The following CALN1 variants were observed in gnomAD, a reference collection of about 807,000 sequenced individuals.
CALN1 encodes the protein calneuron 1, also known as calcium-binding protein 8.
Under a neutral mutation model 30.6 loss-of-function variants are expected in CALN1, and 17 were observed. The observed-to-expected ratio is 0.56, with a 90% CI of 0.38 to 0.83. The LOEUF (loss-of-function observed/expected upper bound fraction) is 0.83, where lower values mean the gene tolerates loss of function less well. Ranked by LOEUF, CALN1 falls within the 40% of genes least tolerant of loss-of-function variation. The probability of loss-of-function intolerance (pLI) is 0.00; values close to 1 mark genes in which losing one functional copy is unlikely to be tolerated. For missense variants in CALN1, 291 were observed against 354.9 expected, an observed-to-expected ratio of 0.82 and a Z score of 1.45; for synonymous variants, 156 against 131.4, an observed-to-expected ratio of 1.19 and a Z score of -1.28.
chr7:72,028,992 A>T (rs571144586), intron 4 of CALN1, among the ~76,000 whole-genome samples: 1 of 152,314 alleles, frequency 6.6e-6, no homozygotes, highest in Non-Finnish European at 1.5e-5. Flanking sequence ...CTCCATCTCA[A>T]ATATATACAT....
chr7:72,487,874 AAGAAAGAAAGAAAAGAAAAGAAAGAAAG>A, the CALN1 span, among the ~76,000 whole-genome samples: 1 of 70,346 alleles, frequency 1.4e-5, no homozygotes, highest in Non-Finnish European at 2.6e-5. Flanking sequence ...GAAAGAAAGA[AAGAAAGAAAGAAAAGAAAAGAAAGAAAG>A]AAAGAAAGAA....
intron 4 of CALN1, among the ~76,000 whole-genome samples, chr7:72,080,703 C>G (rs962842608): frequency 6.6e-6 from 1 of 152,092 alleles, no homozygotes; most frequent in Non-Finnish European, 1.5e-5. Context: ...CACACAGACT[C>G]CAGGCAGGAA....
At chr7:72,306,811 C>T (rs997960586) in intron 2 of CALN1, among the ~76,000 whole-genome samples, 1 of 152,110 alleles carries the variant, frequency 6.6e-6, no homozygotes, top group Non-Finnish European at 1.5e-5. Flanking sequence ...CCCTGACCAC[C>T]GTGGGCACCT....
intron 5 of CALN1, among the ~76,000 whole-genome samples, chr7:71,966,838 A>C (rs916524788): frequency 6.6e-6 from 1 of 152,194 alleles, no homozygotes; most frequent in African/African-American, 2.4e-5. Flanking sequence ...AGAAAATTTA[A>C]AGCTAGATTA....
intron 2 of CALN1, among the ~76,000 whole-genome samples, chr7:72,307,246 G>T (rs187710530): frequency 2.6e-5 from 4 of 152,290 alleles, no homozygotes; most frequent in African/African-American, 9.6e-5. Flanking sequence ...ATGTAAATTA[G>T]ATTCATTCAA....
In CALN1 at chr7:72,309,977, C is replaced by T. The variant is rs79095088; in HGVS notation, c.120-31167G>A. 0.012 allele frequency among the ~76,000 whole-genome samples: 1,763 copies of T among 152,224 alleles called. 64 individuals are homozygous for T. The East Asian group carries it at 0.13, about 11-fold the overall frequency. On this transcript the variant is annotated intron_variant, in intron 2 of 6. Transcript: ENST00000395275. ...AGCATTCTCTTCCCTGAGCACTGCA[C>T]CCTGTTCACATCGGTCCGCCAGCAT...
Position 71,934,851 on chromosome 7 carries a change from A to C in CALN1, c.501+88806T>G, listed in dbSNP as rs145000634. 9.8e-3 allele frequency among the ~76,000 whole-genome samples: 1,495 copies of C among 152,326 alleles called. 29 individuals are homozygous for C. Among genetic ancestry groups the C allele is most frequent in the African/African-American group, 0.034 (1,407 of 41,580 alleles). On this transcript the variant is annotated intron_variant, in intron 5 of 6. Coordinates refer to ENST00000395275, the MANE Select transcript of CALN1 (RefSeq NM_031468.4). ...GAAGGCAAGGAGGAGCAAGTCACAT[A>C]TTACATGGTGGCAGAGAAGAGAGAG... is the stretch of plus-strand genomic sequence containing the variant.
intron 4 of CALN1, among the ~76,000 whole-genome samples, chr7:72,027,682 G>C (rs1479638246): frequency 6.6e-6 from 1 of 151,240 alleles, no homozygotes; most frequent in Admixed American, 6.6e-5. Context: ...CTGCACTCCA[G>C]CCTGGGTTGA....
chr7:72,240,876 G>T (rs537027711), intron 3 of CALN1, among the ~76,000 whole-genome samples: 1 of 152,150 alleles, frequency 6.6e-6, no homozygotes, highest in South Asian at 2.1e-4. Context: ...CTCTCTACCT[G>T]GAAGGCCAGT....
At chr7:72,321,285 A>G (rs1800861110) in intron 2 of CALN1, among the ~76,000 whole-genome samples, 1 of 152,214 alleles carries the variant, frequency 6.6e-6, no homozygotes, top group Non-Finnish European at 1.5e-5. Flanking sequence ...ACATGCTGAG[A>G]CAGGTGACTT....
intron 2 of CALN1, among the ~76,000 whole-genome samples, chr7:72,387,904 G>A (rs967425480): frequency 2.0e-5 from 3 of 152,184 alleles, no homozygotes; most frequent in South Asian, 4.1e-4. Context: ...GATAGGGGTA[G>A]GGAGAGGCTG....
chr7:72,317,223 G>GA (rs1800547662), intron 2 of CALN1, among the ~76,000 whole-genome samples: 1 of 126,194 alleles, frequency 7.9e-6, no homozygotes, highest in Non-Finnish European at 1.6e-5. Context: ...AAGAGAGAAA[G>GA]AAAGAGAAGA....
intron 3 of CALN1, among the ~76,000 whole-genome samples, chr7:72,145,711 A>G (rs906185199): frequency 6.6e-6 from 1 of 152,220 alleles, no homozygotes; most frequent in African/African-American, 2.4e-5. Flanking sequence ...ACATCGATGC[A>G]AAAATCCTCA....
intron 2 of CALN1, among the ~76,000 whole-genome samples, chr7:72,320,019 C>T (rs376046601): frequency 6.6e-6 from 1 of 151,980 alleles, no homozygotes; most frequent in African/African-American, 2.4e-5. Context: ...TTAGCCAGGG[C>T]GTGAGACAGG....
intron 5 of CALN1, among the ~76,000 whole-genome samples, chr7:71,941,193 T>C (rs1239692492): frequency 6.7e-6 from 1 of 149,990 alleles, no homozygotes; most frequent in South Asian, 2.1e-4. Context: ...CTAAAAAAAA[T>C]ACAAAAATTA....
intron 5 of CALN1, among the ~76,000 whole-genome samples, chr7:71,964,765 C>A (rs1218338683): frequency 6.6e-6 from 1 of 152,086 alleles, no homozygotes; most frequent in East Asian, 1.9e-4. Context: ...AAAATGCATG[C>A]CTGTTTCCCT....
At chr7:72,410,214 G>A (rs900168888) in intron 1 of CALN1, among the ~76,000 whole-genome samples, 4 of 152,144 alleles carry the variant, frequency 2.6e-5, no homozygotes, top group African/African-American at 9.7e-5. Flanking sequence ...TCTTAAATAT[G>A]TAAGAGAGGT....
intron 2 of CALN1, among the ~76,000 whole-genome samples, chr7:72,338,470 A>AGTGTGTGTGT (rs56695086): frequency 0.033 from 2,472 of 74,610 alleles, 161 homozygotes; most frequent in Non-Finnish European, 0.05. Context: ...CCAGCAGCAC[A>AGTGTGTGTGT]GTGTGTGTGT....
chr7:72,361,794 G>C (rs1417169785), intron 2 of CALN1, among the ~76,000 whole-genome samples: 1 of 152,138 alleles, frequency 6.6e-6, no homozygotes, highest in Non-Finnish European at 1.5e-5. Flanking sequence ...GAAACTGCTT[G>C]ATTTCAAATA....
Sources: gnomAD v4.1 joint callset for allele counts (sites outside exome capture counted in the v4.1 genomes callset) on GRCh38, gnomAD v4.1.1 for gene constraint, MANE v1.5 for transcripts, NCBI Gene and HGNC (gene_info 2026-07-23, HGNC 2026-07-21) for gene names.